AKAP6: variants seen among roughly 807,000 people sequenced by gnomAD.
The protein encoded by AKAP6 is A-kinase anchoring protein 6.
A neutral mutation model predicts 188.5 loss-of-function variants in AKAP6; 58 were observed. The ratio of observed to expected loss-of-function variants is 0.31; its 90% CI spans 0.25 to 0.38. The LOEUF (loss-of-function observed/expected upper bound fraction) is 0.38, where lower values mean the gene tolerates loss of function less well. AKAP6 is among the 10% of genes least tolerant of loss of function. The pLI, the probability that AKAP6 is intolerant of heterozygous loss-of-function variation, is 1.00. For missense variants in AKAP6, 2,710 were observed against 2,740.0 expected (o/e 0.99, Z 0.24); for synonymous variants, 989 against 998.6 (o/e 0.99, Z 0.18).
chr14:32,610,487 A>G (rs1479861264), intron 7 of AKAP6, among the ~76,000 whole-genome samples: 1 of 152,218 alleles, frequency 6.6e-6, no homozygotes, highest in Non-Finnish European at 1.5e-5. Flanking sequence ...TCTGGACAGG[A>G]TACTGTACCT....
intron 7 of AKAP6, among the ~76,000 whole-genome samples, chr14:32,619,895 T>C (rs956960950): frequency 3.3e-5 from 5 of 152,170 alleles, no homozygotes; most frequent in African/African-American, 1.2e-4. Context: ...ACCTCCTTGG[T>C]TAAGTATATT....
intron 1 of AKAP6, among the ~76,000 whole-genome samples, chr14:32,357,817 A>T (rs1393262032): frequency 6.6e-6 from 1 of 152,234 alleles, no homozygotes; most frequent in African/African-American, 2.4e-5. Flanking sequence ...TGTGATGTGA[A>T]GGACATCTGT....
chr14:32,787,616 A>G (rs1471396238), intron 12 of AKAP6, among the ~76,000 whole-genome samples: 1 of 151,588 alleles, frequency 6.6e-6, no homozygotes, highest in African/African-American at 2.4e-5. Context: ...TAAGTGAAAA[A>G]CCTCCTGTAA....
At chr14:32,803,688 T>C (rs2140096623) in intron 12 of AKAP6, among the ~76,000 whole-genome samples, 1 of 152,310 alleles carries the variant, frequency 6.6e-6, no homozygotes, top group Non-Finnish European at 1.5e-5. Flanking sequence ...GCTCTTTTCA[T>C]TCTCTTCTTT....
chr14:32,640,109 A>ATTT (rs11380590), intron 7 of AKAP6, among the ~76,000 whole-genome samples: 1 of 151,924 alleles, frequency 6.6e-6, no homozygotes, highest in South Asian at 2.1e-4. Context: ...AATATTCTTC[A>ATTT]TTTTTTTTAT....
At chr14:32,479,888 T>G (rs2138894527) in intron 2 of AKAP6, among the ~76,000 whole-genome samples, 2 of 152,278 alleles carry the variant, frequency 1.3e-5, no homozygotes, top group South Asian at 2.1e-4. Context: ...CAAATACATT[T>G]GTATTGTTTA....
intron 2 of AKAP6, among the ~76,000 whole-genome samples, chr14:32,489,562 A>T (rs1386485360): frequency 6.6e-6 from 1 of 152,172 alleles, no homozygotes; most frequent in Non-Finnish European, 1.5e-5. Flanking sequence ...GTTTTTAATT[A>T]AAAAAACTTT....
rs145193213 is a variant in AKAP6, at chr14:32,819,023, G to A, written c.3589-2379G>A. ...CTGAAGATTTTAACATTCATTAGCCGTACTAACTGGTCATTAGTACTTCCT... is the reference window on the plus strand; with the variant it reads ...CTGAAGATTTTAACATTCATTAGCCATACTAACTGGTCATTAGTACTTCCT... On this transcript the variant is annotated intron_variant, in intron 12 of 13. Transcript: ENST00000280979. Among the ~76,000 whole-genome samples, 582 of 152,162 alleles carry A rather than the reference G, an allele frequency of 3.8e-3. 2 individuals are homozygous for A. The highest frequency in any genetic ancestry group is 6.8e-3 in the Middle Eastern group (2 of 294).
At chr14:32,689,126 A>G (rs1890056777) in intron 8 of AKAP6, among the ~76,000 whole-genome samples, 1 of 152,174 alleles carries the variant, frequency 6.6e-6, no homozygotes, top group African/African-American at 2.4e-5. Flanking sequence ...TCTTCCAACT[A>G]CTGATTTAAA....
chr14:32,727,652 G>A (rs1291342869), intron 9 of AKAP6, among the ~76,000 whole-genome samples: 1 of 152,234 alleles, frequency 6.6e-6, no homozygotes, highest in African/African-American at 2.4e-5. Context: ...GTCATTTGCT[G>A]TGCGAGTTCT....
intron 4 of AKAP6, among the ~76,000 whole-genome samples, chr14:32,555,880 T>C (rs533187100): frequency 6.6e-6 from 1 of 152,306 alleles, no homozygotes; most frequent in South Asian, 2.1e-4. Flanking sequence ...CTTTGGCTAT[T>C]GTGAATAATG....
intron 2 of AKAP6, among the ~76,000 whole-genome samples, chr14:32,502,723 T>C (rs1880665705): frequency 1.3e-5 from 2 of 152,148 alleles, no homozygotes; most frequent in African/African-American, 4.8e-5. Flanking sequence ...GTTCTGCACC[T>C]TGCTTTTTAA....
At position 32,824,020 on chromosome 14, in the gene AKAP6, A is replaced by G. The variant is rs1269613582; in HGVS notation, c.6207A>G (p.Thr2069=). 6.2e-7 allele frequency: 1 copy of G among 1,613,962 alleles called. No homozygotes were observed. The highest frequency in any genetic ancestry group is 1.1e-5 in the South Asian group (1 of 91,078). The stretch of plus-strand genomic sequence containing the variant: ...AGGAAATCATTGACATGGCTTCGAC[A>G]GCCCTAAAAAGTAAATCTCAACCTG... ...FVKEIIDMAS[T]ALKSKSQPEN... The change falls in exon 13 of 14, where the codon ACA becomes ACG. Residue 2069 remains threonine (T), a synonymous_variant. Coordinates refer to ENST00000280979, the MANE Select transcript of AKAP6 (RefSeq NM_004274.5).
chr14:32,371,294 C>A (rs1001000859), intron 1 of AKAP6, among the ~76,000 whole-genome samples: 10 of 152,126 alleles, frequency 6.6e-5, no homozygotes, highest in African/African-American at 2.4e-4. Context: ...CACATGAAGA[C>A]TACTATTTGT....
intron 7 of AKAP6, among the ~76,000 whole-genome samples, chr14:32,655,445 T>A (rs1474521528): frequency 6.6e-6 from 1 of 152,182 alleles, no homozygotes; most frequent in East Asian, 1.9e-4. Context: ...AACTCTGATG[T>A]GTCAGGCAGG....
chr14:32,402,694 T>G (rs547878859), intron 1 of AKAP6, among the ~76,000 whole-genome samples: 2 of 152,152 alleles, frequency 1.3e-5, no homozygotes, highest in Admixed American at 1.3e-4. Flanking sequence ...GTTTTGCACA[T>G]AGCAGTTGCT....
At chr14:32,656,102 C>A (rs1229938952) in intron 7 of AKAP6, among the ~76,000 whole-genome samples, 1 of 151,926 alleles carries the variant, frequency 6.6e-6, no homozygotes, top group Non-Finnish European at 1.5e-5. Context: ...ACCAACAGAA[C>A]TAATTTGGAT....
chr14:32,674,727 A>G (rs1339894098), intron 7 of AKAP6, among the ~76,000 whole-genome samples: 1 of 152,148 alleles, frequency 6.6e-6, no homozygotes, highest in Non-Finnish European at 1.5e-5. Context: ...ATGTCAGGTG[A>G]TTGGAGGTGA....
At chr14:32,422,785 T>C (rs1889894381) in intron 1 of AKAP6, among the ~76,000 whole-genome samples, 1 of 152,154 alleles carries the variant, frequency 6.6e-6, no homozygotes, top group East Asian at 1.9e-4. Context: ...TGCCAGCTCC[T>C]GGGAGCTGGG....
Sources: allele counts gnomAD v4.1 joint callset (sites outside exome capture counted in the v4.1 genomes callset), GRCh38; gene constraint gnomAD v4.1.1; transcripts MANE v1.5; gene names NCBI Gene and HGNC (gene_info 2026-07-23, HGNC 2026-07-21).